The following ADCY3 variants were observed in gnomAD, a reference collection of about 807,000 sequenced individuals.
ADCY3 encodes adenylate cyclase type 3.
A neutral mutation model predicts 119.4 loss-of-function variants in ADCY3; 70 were observed. The observed-to-expected ratio is 0.59, with a 90% CI of 0.48 to 0.72. The LOEUF (loss-of-function observed/expected upper bound fraction) is 0.72, where lower values mean the gene tolerates loss of function less well. Ranked by LOEUF, ADCY3 falls within the 30% of genes least tolerant of loss-of-function variation. ADCY3 has a pLI of 0.00. For synonymous variants in ADCY3, 672 were observed against 621.4 expected, an observed-to-expected ratio of 1.08 and a Z score of -1.21; for missense variants, 1,238 against 1,541.6, an observed-to-expected ratio of 0.80 and a Z score of 3.30.
rs937453259 is a variant in ADCY3, at chr2:24,841,743, C to CA, written c.957-77dup. Reference sequence around the variant, plus strand: ...CCGACCCCACTGCCAGCTCCCTCTCCAACCCACAGGGCAGCCAGGATCAGG... The same window carrying CA: ...CCGACCCCACTGCCAGCTCCCTCTCCAAACCCACAGGGCAGCCAGGATCAGG... On this transcript the variant is annotated intron_variant, in intron 4 of 21. Coordinates refer to ENST00000679454, the MANE Select transcript of ADCY3 (RefSeq NM_004036.5). This position sits in a 1 kb window ranked among gnomAD's most constrained non-coding sequence, Gnocchi z 5.8. The CA allele has an allele frequency of 8.9e-7, 1 of 1,128,370 alleles. No individual in the cohort carries two copies. Among genetic ancestry groups the CA allele is most frequent in the African/African-American group, 1.5e-5 (1 of 65,678 alleles). The allele number at this position is 1,128,370 out of a possible 1,614,324, so 69.9% of individuals were successfully genotyped here.
rs1418672897 is a variant in ADCY3, at chr2:24,834,283, A to G, written c.1967+202T>C. On this transcript the variant is annotated intron_variant, in intron 11 of 21. Coordinates refer to ENST00000679454, the MANE Select transcript of ADCY3 (RefSeq NM_004036.5). This position sits in a 1 kb window ranked among gnomAD's most constrained non-coding sequence, Gnocchi z 4.2. Reference sequence around the variant, plus strand: ...CATTCTGACGCTAGGACTGCTCCAAAACGCGGGGCAGGGAAAAGGAAGGAT... The same window carrying G: ...CATTCTGACGCTAGGACTGCTCCAAGACGCGGGGCAGGGAAAAGGAAGGAT... Among the ~76,000 whole-genome samples the G allele has an allele frequency of 6.6e-6, 1 of 152,168 alleles. No homozygotes were observed.
At chr2:24,852,748 C>T (rs1005706913) in intron 3 of ADCY3, among the ~76,000 whole-genome samples, 5 of 152,362 alleles carry the variant, frequency 3.3e-5, no homozygotes, top group South Asian at 4.1e-4. Context: ...TGCCAACGCC[C>T]GCGGAAACTT....
At chr2:24,893,353 A>G (rs373771345) in intron 2 of ADCY3, among the ~76,000 whole-genome samples, 18 of 149,016 alleles carry the variant, frequency 1.2e-4, no homozygotes, top group Non-Finnish European at 2.2e-4. Context: ...CCTGGGCAGC[A>G]GAGCGAGAAA....
intron 2 of ADCY3, among the ~76,000 whole-genome samples, chr2:24,917,641 G>A (rs1664612954): frequency 6.6e-6 from 1 of 152,158 alleles, no homozygotes; most frequent in African/African-American, 2.4e-5. Flanking sequence ...TTTAGGACCA[G>A]GAGACCCTAC....
chr2:24,848,042 C>T (rs1029780222), intron 3 of ADCY3, among the ~76,000 whole-genome samples: 10 of 152,232 alleles, frequency 6.6e-5, no homozygotes, highest in Non-Finnish European at 1.5e-4. Flanking sequence ...CCTGCCTGCA[C>T]TCACTGTGGC....
intron 3 of ADCY3, among the ~76,000 whole-genome samples, chr2:24,848,955 C>T (rs887579207): frequency 6.6e-6 from 1 of 152,122 alleles, no homozygotes; most frequent in Non-Finnish European, 1.5e-5. Flanking sequence ...ATTTGAGTCT[C>T]AGCCCCCCCC....
At chr2:24,830,575 TG>T in intron 13 of ADCY3, 133 bp downstream of exon 13, 1 of 669,052 alleles carries the variant, frequency 1.5e-6, no homozygotes, top group Non-Finnish European at 2.6e-6. Flanking sequence ...ATGATGTGTT[TG>T]GGAACCTAAG....
At chr2:24,895,101 CT>C (rs1200033086) in intron 2 of ADCY3, among the ~76,000 whole-genome samples, 2 of 151,058 alleles carry the variant, frequency 1.3e-5, no homozygotes, top group African/African-American at 2.4e-5. Context: ...TTTTCTTTTT[CT>C]TTTTTTTGAG....
intron 2 of ADCY3, among the ~76,000 whole-genome samples, chr2:24,882,796 C>T (rs1186876253): frequency 1.3e-5 from 2 of 152,174 alleles, no homozygotes; most frequent in African/African-American, 4.8e-5. Context: ...GTGGCTCATG[C>T]CTGTAATTCC....
intron 3 of ADCY3, among the ~76,000 whole-genome samples, chr2:24,847,216 G>A (rs1395187775): frequency 6.6e-6 from 1 of 152,180 alleles, no homozygotes; most frequent in Non-Finnish European, 1.5e-5. Flanking sequence ...AAGGTCTGAT[G>A]GGTTTATTAG....
chr2:24,886,696 A>AT (rs528295418), intron 2 of ADCY3, among the ~76,000 whole-genome samples: 95 of 152,334 alleles, frequency 6.2e-4, no homozygotes, highest in African/African-American at 2.3e-3. Context: ...CCAGCAGCGC[A>AT]AAAGCTCTAC....
intron 11 of ADCY3, among the ~76,000 whole-genome samples, chr2:24,833,564 G>A (rs761656686): frequency 6.6e-6 from 1 of 152,234 alleles, no homozygotes. Context: ...ACTCTCGCAT[G>A]GATGCATATT....
At chr2:24,890,920 G>A (rs1337203907) in intron 2 of ADCY3, among the ~76,000 whole-genome samples, 1 of 151,780 alleles carries the variant, frequency 6.6e-6, no homozygotes, top group East Asian at 1.9e-4. Context: ...CCTCCAGGCT[G>A]GAGCGCAGTG....
At chr2:24,857,844 C>T (rs1261316154) in intron 3 of ADCY3, among the ~76,000 whole-genome samples, 2 of 152,146 alleles carry the variant, frequency 1.3e-5, no homozygotes, top group Non-Finnish European at 2.9e-5. Flanking sequence ...CCCTAAGCTC[C>T]GTCCTCTGCT....
intron 2 of ADCY3, among the ~76,000 whole-genome samples, chr2:24,906,864 C>T (rs1008640904): frequency 6.6e-6 from 1 of 152,168 alleles, no homozygotes; most frequent in South Asian, 2.1e-4. Context: ...GACGTGGTGG[C>T]TCACGCCTAT....
In ADCY3 at chr2:24,841,802, A is replaced by G. The variant is rs1671049377; in HGVS notation, c.957-135T>C. ...AGGTCCTCCCTCACGACCCCCAGAC[A>G]GTGAGACCCTGACCCTTCCAGGTAA... On this transcript the variant is annotated intron_variant, in intron 4 of 21. Transcript: ENST00000679454. This position sits in a 1 kb window ranked among gnomAD's most constrained non-coding sequence, Gnocchi z 5.8. 1 of 667,818 alleles carries G rather than the reference A, an allele frequency of 1.5e-6. No individual in the cohort carries two copies. The highest frequency in any genetic ancestry group is 2.7e-6 in the Non-Finnish European group (1 of 374,524). The allele number at this position is 667,818 out of a possible 1,614,324, so 41.4% of individuals were successfully genotyped here.
At chr2:24,864,829 T>C (rs891234655) in intron 3 of ADCY3, among the ~76,000 whole-genome samples, 9 of 152,218 alleles carry the variant, frequency 5.9e-5, no homozygotes, top group African/African-American at 2.2e-4. Context: ...CACTGAATTG[T>C]ATACTTAATG....
Position 24,862,903 on chromosome 2 carries a change from C to CT in ADCY3, c.825+9666dup, listed in dbSNP as rs569903273. The stretch of plus-strand genomic sequence containing the variant: ...ATATGATGGTAGAGAGTTTGAGTGT[C>CT]TATGTGCAGGCACTGTGCAATAACT... On this transcript the variant is annotated intron_variant, in intron 3 of 21. Coordinates refer to ENST00000679454, the MANE Select transcript of ADCY3 (RefSeq NM_004036.5). Among the ~76,000 whole-genome samples the CT allele has an allele frequency of 7.8e-4, 119 of 152,202 alleles. 1 individual carries two copies. Among genetic ancestry groups the CT allele is most frequent in the Middle Eastern group, 3.4e-3 (1 of 294 alleles).
chr2:24,867,887 A>G (rs1456613871), intron 3 of ADCY3, among the ~76,000 whole-genome samples: 1 of 152,234 alleles, frequency 6.6e-6, no homozygotes, highest in Non-Finnish European at 1.5e-5. Flanking sequence ...ATAAGCAGAA[A>G]GTGGGGGGCA....
Sources: allele counts gnomAD v4.1 joint callset (sites outside exome capture counted in the v4.1 genomes callset), GRCh38; gene constraint gnomAD v4.1.1; non-coding constraint Gnocchi (gnomAD v3.1); transcripts MANE v1.5; gene names NCBI Gene and HGNC (gene_info 2026-07-23, HGNC 2026-07-21).